The following CHUK variants were observed in gnomAD, a reference collection of about 807,000 sequenced individuals.
CHUK encodes component of inhibitor of nuclear factor kappa B kinase complex.
A neutral mutation model predicts 104.8 loss-of-function variants in CHUK; 35 were observed. The observed-to-expected ratio is 0.33, with a 90% CI of 0.26 to 0.44. The LOEUF (loss-of-function observed/expected upper bound fraction) is 0.44, where lower values mean the gene tolerates loss of function less well. CHUK is among the 20% of genes least tolerant of loss of function. CHUK has a pLI of 1.00. For synonymous variants in CHUK, 276 were observed against 291.9 expected (o/e 0.95, Z 0.56); for missense variants, 663 against 902.7 (o/e 0.73, Z 3.40).
chr10:100,199,346 A>G (rs1255334905), intron 16 of CHUK, among the ~76,000 whole-genome samples: 3 of 152,108 alleles, frequency 2.0e-5, no homozygotes, highest in Non-Finnish European at 2.9e-5. Flanking sequence ...TTTTGTTTTG[A>G]GACAGAATCT....
chr10:100,202,162 T>G lies in CHUK; in HGVS notation c.1508-13A>C. ...ATTTTTTCTGAAGCTAAAAGAAAAG[T>G]CTAAATTGGTTATCTCAGAAATAGC... is the stretch of plus-strand genomic sequence containing the variant. On this transcript the variant is annotated splice_polypyrimidine_tract_variant and intron_variant, in intron 13 of 20. Transcript: ENST00000370397. 1 of 1,584,020 alleles carries G rather than the reference T, an allele frequency of 6.3e-7. No homozygotes were observed. The highest frequency in any genetic ancestry group is 8.7e-7 in the Non-Finnish European group (1 of 1,153,360).
At position 100,202,840 on chromosome 10, in the gene CHUK, C is replaced by T. The variant is rs998742957; in HGVS notation, c.1508-691G>A. Among the ~76,000 whole-genome samples, 5 of 152,160 alleles carry T rather than the reference C, an allele frequency of 3.3e-5. No homozygotes were observed. In the South Asian group the frequency reaches 6.2e-4, roughly 19 times the overall value. ...GTGCAGTGGCATGATCTCAGCTCAC[C>T]GCAACCTCTATCTCCAGGGCTCAAG... On this transcript the variant is annotated intron_variant, in intron 13 of 20. Transcript: ENST00000370397.
rs971588817 is a variant in CHUK, at chr10:100,194,362, CT to C, written c.1826+62del. 6 of 1,293,444 alleles carry C rather than the reference CT, an allele frequency of 4.6e-6. No individual in the cohort carries two copies. The African/African-American group carries it at 5.8e-5, about 13-fold the overall frequency. The allele number at this position is 1,293,444 out of a possible 1,614,324, so 80.1% of individuals were successfully genotyped here. A position where few individuals can be genotyped will look rare whatever the true frequency, so the allele number is the denominator to read the frequency against. On this transcript the variant is annotated intron_variant, in intron 17 of 20. Transcript: ENST00000370397. ...TACTTTACCAAAGAGGGCTTTTGTA[CT>C]TTGAGAGGAACAAGATAAACGTATC...
At chr10:100,200,184 C>T (rs1046479938) in intron 15 of CHUK, among the ~76,000 whole-genome samples, 164 bp from the exon 16 acceptor site, 3 of 152,150 alleles carry the variant, frequency 2.0e-5, no homozygotes, top group Non-Finnish European at 4.4e-5. Flanking sequence ...AAGAACTATA[C>T]AAGTTCTTAA....
intron 4 of CHUK, among the ~76,000 whole-genome samples, chr10:100,221,697 G>A (rs1337732855): frequency 6.6e-6 from 1 of 152,146 alleles, no homozygotes; most frequent in African/African-American, 2.4e-5. Flanking sequence ...GAGTGCAGTG[G>A]TGCAATCTCG....
intron 4 of CHUK, among the ~76,000 whole-genome samples, chr10:100,221,594 C>G (rs543496122): frequency 2.0e-4 from 31 of 151,638 alleles, no homozygotes; most frequent in Non-Finnish European, 3.2e-4. Flanking sequence ...ATCTATTAGA[C>G]AAAAAAAGGA....
intron 9 of CHUK, among the ~76,000 whole-genome samples, chr10:100,210,087 A>ATTTTTT (rs1554897567): frequency 7.7e-6 from 1 of 129,416 alleles, no homozygotes; most frequent in African/African-American, 3.5e-5. Context: ...TTATTTATTT[A>ATTTTTT]TTTATTTTTT....
intron 16 of CHUK, chr10:100,195,606 T>C (rs1845307352): frequency 2.0e-5 from 3 of 152,230 alleles, no homozygotes; most frequent in Non-Finnish European, 2.9e-5. Context: ...CTTAAGACAG[T>C]GAAAGCCCTC....
At position 100,191,060 on chromosome 10, in the gene CHUK, T is replaced by C; in HGVS notation, c.2109-92A>G. 3.7e-6 allele frequency: 3 copies of C among 819,918 alleles called. No individual in the cohort carries two copies. In the East Asian group the frequency reaches 7.3e-5, roughly 20 times the overall value. The allele number at this position is 819,918 out of a possible 1,614,324, so 50.8% of individuals were successfully genotyped here. On this transcript the variant is annotated intron_variant, in intron 19 of 20. Coordinates refer to ENST00000370397, the MANE Select transcript of CHUK (RefSeq NM_001278.5). ...TAGTCTTCTAGGTTAGCAAGATCAC[T>C]AGCCTTCCTGTAACCCAGTACCCCA...
intron 19 of CHUK, chr10:100,192,664 C>T (rs1326284993): frequency 1.0e-6 from 1 of 986,420 alleles, no homozygotes; most frequent in Non-Finnish European, 1.2e-6. Flanking sequence ...TAGCAAAGAG[C>T]CACTGGCTTT....
intron 13 of CHUK, among the ~76,000 whole-genome samples, chr10:100,202,786 TAG>T (rs1845501193): frequency 6.6e-6 from 1 of 152,014 alleles, no homozygotes; most frequent in Admixed American, 6.6e-5. Flanking sequence ...TTTTTTGAGG[TAG>T]AGTCTCACTC....
intron 9 of CHUK, among the ~76,000 whole-genome samples, chr10:100,215,988 A>G (rs927989948): frequency 6.6e-6 from 1 of 152,242 alleles, no homozygotes; most frequent in Non-Finnish European, 1.5e-5. Context: ...CTTATTCTGC[A>G]TAACCTCATA....
chr10:100,217,078 G>T (rs1172926612), intron 9 of CHUK, among the ~76,000 whole-genome samples: 1 of 147,286 alleles, frequency 6.8e-6, no homozygotes, highest in East Asian at 2.0e-4. Flanking sequence ...GGATATCCAG[G>T]CAGAAGGATA....
In CHUK at chr10:100,194,330, G is replaced by A. The variant is rs566812635; in HGVS notation, c.1826+95C>T. 20 of 1,088,222 alleles carry A rather than the reference G, an allele frequency of 1.8e-5. No homozygotes were observed. The East Asian group carries it at 2.2e-4, about 12-fold the overall frequency. The allele number at this position is 1,088,222 out of a possible 1,614,324, so 67.4% of individuals were successfully genotyped here. A position where few individuals can be genotyped will look rare whatever the true frequency, so the allele number is the denominator to read the frequency against. On this transcript the variant is annotated intron_variant, in intron 17 of 20. Transcript: ENST00000370397. ...AAGGTACCTTCAGAATTCTTCCTGG[G>A]TAAGTATACTTTACCAAAGAGGGCT...
intron 8 of CHUK, among the ~76,000 whole-genome samples, 180 bp from the exon 9 acceptor site, chr10:100,218,310 A>C (rs1845906446): frequency 6.6e-6 from 1 of 152,216 alleles, no homozygotes. Flanking sequence ...TCCATCAAAA[A>C]CTACTCAAAA....
At chr10:100,215,746 C>A (rs1361152332) in intron 9 of CHUK, among the ~76,000 whole-genome samples, 1 of 152,108 alleles carries the variant, frequency 6.6e-6, no homozygotes, top group East Asian at 1.9e-4. Flanking sequence ...GACATCATTC[C>A]TTTCTTGTAC....
At chr10:100,206,548 G>C (rs780727856) in intron 11 of CHUK, among the ~76,000 whole-genome samples, 2 of 151,974 alleles carry the variant, frequency 1.3e-5, no homozygotes, top group Non-Finnish European at 2.9e-5. Context: ...AGAGACATGA[G>C]GGAACTTTCT....
intron 4 of CHUK, among the ~76,000 whole-genome samples, chr10:100,221,218 C>T (rs1190717459): frequency 6.6e-6 from 1 of 152,066 alleles, no homozygotes; most frequent in African/African-American, 2.4e-5. Flanking sequence ...GGGCAGATCA[C>T]GAGGTCAGGA....
intron 11 of CHUK, 28 bp from the exon 12 acceptor site, chr10:100,205,227 C>T: frequency 6.2e-7 from 1 of 1,612,118 alleles, no homozygotes; most frequent in South Asian, 1.1e-5. Flanking sequence ...AGAAAAAGGG[C>T]AAGGGAGGTT....
Sources: gnomAD v4.1 joint callset for allele counts (sites outside exome capture counted in the v4.1 genomes callset) on GRCh38, gnomAD v4.1.1 for gene constraint, MANE v1.5 for transcripts, NCBI Gene and HGNC (gene_info 2026-07-23, HGNC 2026-07-21) for gene names.